The following TMEM216 variants were observed in gnomAD, a reference collection of about 807,000 sequenced individuals.
TMEM216 encodes the protein transmembrane protein 216.
TMEM216 carries 15 observed loss-of-function variants against 17.8 expected under a neutral mutation model. The observed-to-expected ratio is 0.84, with a 90% CI of 0.56 to 1.30. TMEM216 has a LOEUF of 1.30. Ranked by LOEUF, TMEM216 falls within the 50% of genes most tolerant of loss-of-function variation. The pLI is 0.00. For missense variants in TMEM216, 160 were observed against 175.7 expected, an observed-to-expected ratio of 0.91 and a Z score of 0.51; for synonymous variants, 58 against 73.5, an observed-to-expected ratio of 0.79 and a Z score of 1.08.
chr11:61,394,462 G>A (rs940385453), intron 3 of TMEM216, among the ~76,000 whole-genome samples: 36 of 150,672 alleles, frequency 2.4e-4, no homozygotes, highest in African/African-American at 8.3e-4. Flanking sequence ...TCTGCCTCCC[G>A]GGATCAAGCG....
chr11:61,393,217 T>A lies in TMEM216; in HGVS notation c.35-14T>A. 6.5e-7 allele frequency: 1 copy of A among 1,532,046 alleles called. No homozygotes were observed. Among genetic ancestry groups the A allele is most frequent in the East Asian group, 2.4e-5 (1 of 40,866 alleles). 94.9% of individuals were successfully genotyped at this position (1,532,046 alleles called of 1,614,324 possible). On this transcript the variant is annotated splice_polypyrimidine_tract_variant and intron_variant, in intron 1 of 4. Transcript: ENST00000515837. ...CCTTCCGGCCCATCCCACTTCTCTG[T>A]GCTCCTTTTTCAGGTAAACGGTTGT...
chr11:61,398,643 A>G lies in TMEM216; in HGVS notation c.*367A>G. 3.5e-6 allele frequency: 1 copy of G among 281,700 alleles called. No individual in the cohort carries two copies. Among genetic ancestry groups the G allele is most frequent in the Non-Finnish European group, 6.7e-6 (1 of 149,256 alleles). 17.5% of individuals were successfully genotyped at this position (281,700 alleles called of 1,614,324 possible). A position where few individuals can be genotyped will look rare whatever the true frequency, so the allele number is the denominator to read the frequency against. On this transcript the variant is annotated 3_prime_UTR_variant, in exon 5 of 5. Coordinates refer to ENST00000515837, the MANE Select transcript of TMEM216 (RefSeq NM_001173990.3). The stretch of plus-strand genomic sequence containing the variant: ...GGGCTTCAAGCAGGACCTGAGCCAC[A>G]TGCTCCCTGTACGAGCTGTGCTATA...
chr11:61,397,327 C>A (rs534021219), intron 3 of TMEM216, among the ~76,000 whole-genome samples: 37 of 151,960 alleles, frequency 2.4e-4, no homozygotes, highest in Admixed American at 2.0e-3. Context: ...CCACCACGCC[C>A]GGCTACTTTT....
In TMEM216 at chr11:61,393,265, G is replaced by C. The variant is rs1219199960; in HGVS notation, c.69G>C (p.Leu23=). ...TGTCCTCCACCCCGCTGGAAATCCT[G>C]TTCTTTCTGAACGGGTGGTATAATG... ...KRLSSTPLEI[L]FFLNGWYNAT... The change falls in exon 2 of 5, where the codon CTG becomes CTC. Residue 23 remains leucine, a synonymous_variant. Coordinates refer to ENST00000515837, the MANE Select transcript of TMEM216 (RefSeq NM_001173990.3). 2.0e-6 allele frequency: 3 copies of C among 1,535,972 alleles called. No individual in the cohort carries two copies. The highest frequency in any genetic ancestry group is 2.4e-5 in the South Asian group (2 of 84,056).
chr11:61,395,713 C>G (rs952690368), intron 3 of TMEM216, among the ~76,000 whole-genome samples: 1 of 145,582 alleles, frequency 6.9e-6, no homozygotes, highest in Non-Finnish European at 1.5e-5. Flanking sequence ...CTAGCCTGGG[C>G]GACAAAGTGA....
intron 1 of TMEM216, chr11:61,392,945 GAC>G: frequency 1.5e-5 from 13 of 894,148 alleles, no homozygotes; most frequent in Non-Finnish European, 1.7e-5. Context: ...CCCAAATAGT[GAC>G]AGAGTGAGAT....
Position 61,398,272 on chromosome 11 carries a change from T to C in TMEM216, c.434T>C (p.Ile145Thr). ...EVLTLAAFSR[I>T] ...TCTTTCTGCCATCGTATGGACAGGA[T>C]TTGAAGTACAGAATTTCAGCCAGCA... The change falls in exon 5 of 5, where the codon ATT becomes ACT. Residue 145 changes from isoleucine (I) to threonine (T), a missense_variant and splice_region_variant. Transcript: ENST00000515837. 6.2e-7 allele frequency: 1 copy of C among 1,611,716 alleles called. No homozygotes were observed. Among genetic ancestry groups the C allele is most frequent in the Non-Finnish European group, 8.5e-7 (1 of 1,178,670 alleles).
At chr11:61,397,286 C>T (rs1477362005) in intron 3 of TMEM216, among the ~76,000 whole-genome samples, 1 of 151,862 alleles carries the variant, frequency 6.6e-6, no homozygotes, top group Non-Finnish European at 1.5e-5. Context: ...CCTGCCTCAG[C>T]CTCCCGAGTA....
Position 61,398,383 on chromosome 11 carries a change from G to GCCACACAGCCTTTCT in TMEM216, c.*108_*109insCACACAGCCTTTCTC. On this transcript the variant is annotated 3_prime_UTR_variant, in exon 5 of 5. Transcript: ENST00000515837. ...GGTGGGGCAAGTTGTCCTGAGAAAG[G>GCCACACAGCCTTTCT]CTGTGTGGCTTTTCTTCAGCACAGA... 2 of 1,250,764 alleles carry GCCACACAGCCTTTCT rather than the reference G, an allele frequency of 1.6e-6. No homozygotes were observed. Among genetic ancestry groups the GCCACACAGCCTTTCT allele is most frequent in the Non-Finnish European group, 1.1e-6 (1 of 883,426 alleles). 77.5% of individuals were successfully genotyped at this position (1,250,764 alleles called of 1,614,324 possible).
At position 61,398,563 on chromosome 11, in the gene TMEM216, TCTC is replaced by T. The variant is rs1001124035; in HGVS notation, c.*293_*295del. Reference sequence around the variant, plus strand: ...AACCAGTCCCCTGCTGACCTCAAGTTCTCCTCCTTGATCACCGTGGCCAGAGCA... The same window carrying T: ...AACCAGTCCCCTGCTGACCTCAAGTTCTCCTTGATCACCGTGGCCAGAGCA... On this transcript the variant is annotated 3_prime_UTR_variant, in exon 5 of 5. Transcript: ENST00000515837. 7.9e-5 allele frequency: 37 copies of T among 467,116 alleles called. No individual in the cohort carries two copies. The highest frequency in any genetic ancestry group is 7.0e-4 in the African/African-American group (36 of 51,700). 28.9% of individuals were successfully genotyped at this position (467,116 alleles called of 1,614,324 possible).
At chr11:61,394,368 G>T (rs1204469885) in intron 3 of TMEM216, 1 of 158,166 alleles carries the variant, frequency 6.3e-6, no homozygotes, top group East Asian at 1.8e-4. Flanking sequence ...CTCTGTAGGA[G>T]TTTTTTGTTT....
rs1858852970 is a variant in TMEM216 at position 61,398,518 on chromosome 11, C to T, written c.*242C>T. On this transcript the variant is annotated 3_prime_UTR_variant, in exon 5 of 5. Coordinates refer to ENST00000515837, the MANE Select transcript of TMEM216 (RefSeq NM_001173990.3). ...CAGTATAGGGAGGGGCAAGGTTATT[C>T]CCATCCTGCCCCTTCTCAGAACCAG... The T allele has an allele frequency of 1.9e-6, 1 of 529,120 alleles. No individual in the cohort carries two copies. The highest frequency in any genetic ancestry group is 3.2e-5 in the Admixed American group (1 of 30,774). The allele number at this position is 529,120 out of a possible 1,614,324, so 32.8% of individuals were successfully genotyped here.
rs1858720419 is a variant in TMEM216 at position 61,393,295 on chromosome 11, C to G, written c.99C>G (p.Thr33=). ...LFFLNGWYNA[T]YFLLELFIFL... is the part of the protein sequence containing the mutation. ...TTCTGAACGGGTGGTATAATGCTAC[C>G]TATTTCCTGCTGGAACTTTTCATAT... Residue 33 remains threonine (T), a synonymous_variant, in exon 2 of 5, where the codon ACC becomes ACG. Coordinates refer to ENST00000515837, the MANE Select transcript of TMEM216 (RefSeq NM_001173990.3). 2 of 1,535,904 alleles carry G rather than the reference C, an allele frequency of 1.3e-6. No homozygotes were observed. Among genetic ancestry groups the G allele is most frequent in the East Asian group, 2.4e-5 (1 of 40,928 alleles).
chr11:61,393,813 T>TGGA, intron 2 of TMEM216, 71 bp from the exon 3 acceptor site: 1 of 1,219,128 alleles, frequency 8.2e-7, no homozygotes, highest in African/African-American at 1.5e-5. Flanking sequence ...TCCTCTTTTT[T>TGGA]CCCAAGTGTG....
At chr11:61,396,350 G>A (rs563076679) in intron 3 of TMEM216, among the ~76,000 whole-genome samples, 4 of 152,184 alleles carry the variant, frequency 2.6e-5, no homozygotes, top group East Asian at 3.9e-4. Context: ...GTGGTGGCAC[G>A]TGCCTGTAAT....
chr11:61,397,616 T>A (rs1164731054), intron 3 of TMEM216, 158 bp from the exon 4 acceptor site: 1 of 619,288 alleles, frequency 1.6e-6, no homozygotes, highest in Non-Finnish European at 2.8e-6. Flanking sequence ...CTCCTAAGCC[T>A]CAAACTTTTA....
rs1298138851 is a variant in TMEM216, at chr11:61,393,971, T to C, written c.224T>C (p.Phe75Ser). 6.2e-7 allele frequency: 1 copy of C among 1,613,992 alleles called. No homozygotes were observed. The highest frequency in any genetic ancestry group is 8.5e-7 in the Non-Finnish European group (1 of 1,179,840). ...LYLGIEVIRL[F>S]FGTKGNLCQR... The stretch of plus-strand genomic sequence containing the variant: ...CTTGGAATTGAAGTAATTCGCCTGT[T>C]TTTTGGTAAGTGTTGTCCAGAGAAT... Residue 75 changes from phenylalanine to serine, a missense_variant, in exon 3 of 5, where the codon TTT becomes TCT. Phe to Ser is a radical substitution (Grantham distance 155, BLOSUM62 -2). Transcript: ENST00000515837.
chr11:61,397,783 G>A lies in TMEM216; in HGVS notation c.239G>A (p.Gly80Glu). ...GGGCTGTGTCTGACAGGTACAAAGG[G>A]AAACCTCTGCCAGCGAAAGATGCCG... ...EVIRLFFGTK[G>E]NLCQRKMPLS... The change falls in exon 4 of 5, where the codon GGA becomes GAA. Residue 80 changes from glycine (G) to glutamate (E), a missense_variant. Transcript: ENST00000515837. 1 of 1,613,008 alleles carries A rather than the reference G, an allele frequency of 6.2e-7. No individual in the cohort carries two copies. Among genetic ancestry groups the A allele is most frequent in the Non-Finnish European group, 8.5e-7 (1 of 1,179,854 alleles).
intron 1 of TMEM216, 92 bp from the exon 2 acceptor site, chr11:61,393,139 C>A: frequency 2.1e-6 from 2 of 970,550 alleles, no homozygotes; most frequent in Non-Finnish European, 3.0e-6. Flanking sequence ...TTAGTTGCAG[C>A]GTCTAGTTTC....
Sources: allele counts gnomAD v4.1 joint callset (sites outside exome capture counted in the v4.1 genomes callset), GRCh38; gene constraint gnomAD v4.1.1; transcripts MANE v1.5; gene names NCBI Gene and HGNC (gene_info 2026-07-23, HGNC 2026-07-21).